Variants in CRMP1 observed in about 807,000 individuals in gnomAD.
CRMP1 encodes the protein collapsin response mediator protein 1.
A neutral mutation model predicts 68.3 loss-of-function variants in CRMP1; 19 were observed. The ratio of observed to expected loss-of-function variants is 0.28; its 90% CI spans 0.19 to 0.41. The LOEUF is 0.41. Ranked by LOEUF, CRMP1 falls within the 10% of genes least tolerant of loss-of-function variation. The probability of loss-of-function intolerance (pLI) is 1.00; values close to 1 mark genes in which losing one functional copy is unlikely to be tolerated. For missense variants in CRMP1, 791 were observed against 967.4 expected (o/e 0.82, Z 2.42); for synonymous variants, 439 against 399.6 (o/e 1.10, Z -1.18).
intron 11 of CRMP1, among the ~76,000 whole-genome samples, chr4:5,830,788 C>G (rs1289265537): frequency 6.6e-6 from 1 of 152,174 alleles, no homozygotes; most frequent in Non-Finnish European, 1.5e-5. Context: ...TTCAGCTACT[C>G]TCACATTTCT....
chr4:5,834,047 A>G lies in CRMP1; in HGVS notation c.1623+1868T>C, dbSNP rs893668484. On this transcript the variant is annotated intron_variant, in intron 11 of 13. Transcript: ENST00000324989. This position sits in a 1 kb window ranked among gnomAD's most constrained non-coding sequence, Gnocchi z 4.3. ...GGCAACAGAGCAAGACTCCATCTCA[A>G]CAACAACAAAAGGAATAGTAAGACA... Among the ~76,000 whole-genome samples the G allele has an allele frequency of 2.6e-5, 4 of 152,144 alleles. No homozygotes were observed. Among genetic ancestry groups the G allele is most frequent in the Non-Finnish European group, 5.9e-5 (4 of 68,018 alleles).
chr4:5,856,384 C>T (rs954171431), intron 3 of CRMP1, 77 bp from the exon 4 acceptor site: 6 of 1,287,790 alleles, frequency 4.7e-6, no homozygotes, highest in Admixed American at 1.9e-5. Flanking sequence ...CCACTACCAC[C>T]ATCATCACCA....
Position 5,888,327 on chromosome 4 carries a change from C to T in CRMP1, c.381+4262G>A. Reference sequence around the variant, plus strand: ...TGCGGGGCTGTCTGACTGGAACCGGCGCTCTCGGCCCCGCTCCCAGCGGGC... The same window carrying T: ...TGCGGGGCTGTCTGACTGGAACCGGTGCTCTCGGCCCCGCTCCCAGCGGGC... On this transcript the variant is annotated intron_variant, in intron 1 of 13. Transcript: ENST00000324989. This position sits in a 1 kb window ranked among gnomAD's most constrained non-coding sequence, Gnocchi z 6.4. 2.4e-6 allele frequency: 3 copies of T among 1,241,348 alleles called. No homozygotes were observed. Among genetic ancestry groups the T allele is most frequent in the Non-Finnish European group, 1.0e-6 (1 of 987,608 alleles). The allele number at this position is 1,241,348 out of a possible 1,614,324, so 76.9% of individuals were successfully genotyped here.
intron 1 of CRMP1, among the ~76,000 whole-genome samples, chr4:5,885,549 G>A (rs1409969567): frequency 2.0e-5 from 3 of 152,232 alleles, no homozygotes; most frequent in East Asian, 3.9e-4. Flanking sequence ...GGGCTCTCCC[G>A]AGGCCGTCTT....
At chr4:5,884,449 T>C (rs371816304) in intron 1 of CRMP1, among the ~76,000 whole-genome samples, 7 of 149,752 alleles carry the variant, frequency 4.7e-5, no homozygotes, top group South Asian at 4.3e-4. Context: ...TACATTTACA[T>C]ACACACTGGC....
Position 5,892,784 on chromosome 4 carries a change from G to A in CRMP1, c.186C>T (p.Arg62=). The A allele has an allele frequency of 7.7e-7, 1 of 1,304,412 alleles. No individual in the cohort carries two copies. The allele number at this position is 1,304,412 out of a possible 1,614,324, so 80.8% of individuals were successfully genotyped here. A position where few individuals can be genotyped will look rare whatever the true frequency, so the allele number is the denominator to read the frequency against. ...AYSVGRRGSA[R]TPRSAGRPDA... ...CGGGCCGGCCAGCGCTGCGCGGCGT[G>A]CGCGCCGAGCCGCGGCGGCCCACAC... The change falls in exon 1 of 14, where the codon CGC becomes CGT. Residue 62 remains arginine (R), a synonymous_variant. Transcript: ENST00000324989. The surrounding 1 kb of genome is among the most constrained non-coding windows in gnomAD (Gnocchi z 8.6).
chr4:5,849,155 G>A (rs1297614029), intron 6 of CRMP1, among the ~76,000 whole-genome samples: 4 of 152,182 alleles, frequency 2.6e-5, no homozygotes, highest in Non-Finnish European at 5.9e-5. Flanking sequence ...TTTCCATGAT[G>A]CCCACTCCCA....
At chr4:5,828,330 G>C (rs761425038) in intron 12 of CRMP1, 159 bp downstream of exon 12, 18 of 985,122 alleles carry the variant, frequency 1.8e-5, no homozygotes, top group Non-Finnish European at 2.0e-5. Context: ...CCTCAGACAG[G>C]AGCCCAGGCC....
intron 11 of CRMP1, among the ~76,000 whole-genome samples, chr4:5,835,369 C>G (rs927968676): frequency 6.6e-6 from 1 of 152,228 alleles, no homozygotes; most frequent in Non-Finnish European, 1.5e-5. Context: ...GTGCACGCAT[C>G]TTTGGTAGGT....
rs1716025318 is a variant in CRMP1 at position 5,893,048 on chromosome 4, C to A, written c.-79G>T. 1.1e-5 allele frequency: 11 copies of A among 958,274 alleles called. No homozygotes were observed. The highest frequency in any genetic ancestry group is 8.8e-5 in the East Asian group (1 of 11,396). The allele number at this position is 958,274 out of a possible 1,614,324, so 59.4% of individuals were successfully genotyped here. On this transcript the variant is annotated 5_prime_UTR_variant, in exon 1 of 14. Transcript: ENST00000324989. ...GGGCACCGCCGTGCGCCGCGCTCCG[C>A]GCCTCGGTGCGGGCCTGCGGCGGCC...
chr4:5,891,533 A>G lies in CRMP1; in HGVS notation c.381+1056T>C, dbSNP rs1715949649. ...CGGCATTAACTGATTTAATTCTCAC[A>G]ATGAATCCGTCGCTCACCCTAGCCT... On this transcript the variant is annotated intron_variant, in intron 1 of 13. Transcript: ENST00000324989. This position sits in a 1 kb window ranked among gnomAD's most constrained non-coding sequence, Gnocchi z 5.2. Among the ~76,000 whole-genome samples the G allele has an allele frequency of 6.6e-6, 1 of 152,214 alleles. No homozygotes were observed. Among genetic ancestry groups the G allele is most frequent in the Non-Finnish European group, 1.5e-5 (1 of 68,042 alleles).
rs763640013 is a variant in CRMP1 at position 5,861,013 on chromosome 4, C to T, written c.655+13G>A. 1.9e-6 allele frequency: 3 copies of T among 1,612,892 alleles called. No homozygotes were observed. The highest frequency in any genetic ancestry group is 2.5e-6 in the Non-Finnish European group (3 of 1,179,534). On this transcript the variant is annotated intron_variant, in intron 3 of 13. Coordinates refer to ENST00000324989, the MANE Select transcript of CRMP1 (RefSeq NM_001014809.3). The surrounding 1 kb of genome is among the most constrained non-coding windows in gnomAD (Gnocchi z 6.0). ...CAGTCTATGTCCCTAAGGCAGGGGACAGTGTCACTCACTGATCATCGTGGT... is the reference window on the plus strand; with the variant it reads ...CAGTCTATGTCCCTAAGGCAGGGGATAGTGTCACTCACTGATCATCGTGGT...
At chr4:5,840,969 T>C (rs1711677545) in intron 8 of CRMP1, among the ~76,000 whole-genome samples, 1 of 129,008 alleles carries the variant, frequency 7.8e-6, no homozygotes, top group South Asian at 2.2e-4. Flanking sequence ...GTTGTGTACA[T>C]GTAAGATACT....
intron 11 of CRMP1, 134 bp from the exon 12 acceptor site, chr4:5,828,802 A>C: frequency 2.8e-6 from 3 of 1,085,132 alleles, no homozygotes; most frequent in Non-Finnish European, 3.9e-6. Context: ...AATACCTTTT[A>C]TTGACTGTAA....
intron 8 of CRMP1, among the ~76,000 whole-genome samples, chr4:5,840,324 C>G (rs16837726): frequency 0.042 from 6,437 of 152,298 alleles, 477 homozygotes; most frequent in East Asian, 0.36. Context: ...TTCAAGGAGT[C>G]GGCCTGGCGG....
chr4:5,888,479 C>T lies in CRMP1; in HGVS notation c.381+4110G>A. 3.3e-6 allele frequency: 4 copies of T among 1,207,562 alleles called. No individual in the cohort carries two copies. Among genetic ancestry groups the T allele is most frequent in the Non-Finnish European group, 4.1e-6 (4 of 972,828 alleles). The allele number at this position is 1,207,562 out of a possible 1,614,324, so 74.8% of individuals were successfully genotyped here. A position where few individuals can be genotyped will look rare whatever the true frequency, so the allele number is the denominator to read the frequency against. ...CTCCGGCTGCCAGCACCGCCCGGAT[C>T]GGCGAGGAGGGCGGGAGAAGGAGGA... On this transcript the variant is annotated intron_variant, in intron 1 of 13. Coordinates refer to ENST00000324989, the MANE Select transcript of CRMP1 (RefSeq NM_001014809.3). This position sits in a 1 kb window ranked among gnomAD's most constrained non-coding sequence, Gnocchi z 6.4.
In CRMP1 at chr4:5,865,577, T is replaced by C. The variant is rs1270637461; in HGVS notation, c.470+1091A>G. Among the ~76,000 whole-genome samples the C allele has an allele frequency of 2.1e-5, 3 of 144,680 alleles. No individual in the cohort carries two copies. The highest frequency in any genetic ancestry group is 2.2e-4 in the South Asian group (1 of 4,532). The allele number at this position is 144,680 out of a possible 152,430, so 94.9% of individuals were successfully genotyped here. On this transcript the variant is annotated intron_variant, in intron 2 of 13. Transcript: ENST00000324989. The surrounding 1 kb of genome is among the most constrained non-coding windows in gnomAD (Gnocchi z 4.1). ...TGGAGGTTGCAGTGAGCCGAGATTG[T>C]GCCACTGCACTCCAGCCTGGTGACA...
rs1276385757 is a variant in CRMP1 at position 5,838,133 on chromosome 4, A to G, written c.1311-1227T>C. On this transcript the variant is annotated intron_variant, in intron 9 of 13. Transcript: ENST00000324989. This position sits in a 1 kb window ranked among gnomAD's most constrained non-coding sequence, Gnocchi z 4.9. ...AGCCTTCTAGCAAAGATCTGAAGGA[A>G]GTCACAGAGCAAACCATGTGGCGTC... Among the ~76,000 whole-genome samples, 1 of 152,160 alleles carries G rather than the reference A, an allele frequency of 6.6e-6. No individual in the cohort carries two copies. The highest frequency in any genetic ancestry group is 1.5e-5 in the Non-Finnish European group (1 of 68,026).
chr4:5,885,453 G>C (rs1715515061), intron 1 of CRMP1, among the ~76,000 whole-genome samples: 1 of 152,170 alleles, frequency 6.6e-6, no homozygotes, highest in Non-Finnish European at 1.5e-5. Context: ...CTCTCCACAG[G>C]CCACACACCA....
Sources: allele counts gnomAD v4.1 joint callset (sites outside exome capture counted in the v4.1 genomes callset), GRCh38; gene constraint gnomAD v4.1.1; non-coding constraint Gnocchi (gnomAD v3.1); transcripts MANE v1.5; gene names NCBI Gene and HGNC (gene_info 2026-07-23, HGNC 2026-07-21).